MRPL48: variants seen among roughly 807,000 people sequenced by gnomAD.
MRPL48 encodes the protein mitochondrial ribosomal protein L48.
MRPL48 carries 16 observed loss-of-function variants against 32.9 expected under a neutral mutation model. The ratio of observed to expected loss-of-function variants is 0.49; its 90% CI spans 0.33 to 0.74. The LOEUF is 0.74. Among genes scored for constraint, MRPL48 ranks in the 30% least tolerant of loss-of-function variants. The pLI, the probability that MRPL48 is intolerant of heterozygous loss-of-function variation, is 0.02. For synonymous variants in MRPL48, 94 were observed against 89.2 expected (o/e 1.05, Z -0.31); for missense variants, 206 against 245.3 (o/e 0.84, Z 1.07).
chr11:73,798,264 T>C (rs1191605195), intron 1 of MRPL48, among the ~76,000 whole-genome samples: 2 of 151,402 alleles, frequency 1.3e-5, no homozygotes, highest in East Asian at 3.9e-4. Flanking sequence ...TTTTACAAAA[T>C]ACAAAATACA....
At chr11:73,825,616 A>G in intron 3 of MRPL48, 92 bp from the exon 4 acceptor site, 1 of 1,135,072 alleles carries the variant, frequency 8.8e-7, no homozygotes, top group African/African-American at 1.6e-5. Context: ...ATTACATCCC[A>G]GCTTGGGTGA....
At chr11:73,847,153 T>C (rs1318421652) in intron 5 of MRPL48, among the ~76,000 whole-genome samples, 1 of 152,076 alleles carries the variant, frequency 6.6e-6, no homozygotes, top group Non-Finnish European at 1.5e-5. Flanking sequence ...GGCTGCACCA[T>C]TTTTTATTCC....
intron 4 of MRPL48, among the ~76,000 whole-genome samples, chr11:73,840,050 G>A (rs961629405): frequency 6.7e-5 from 10 of 150,324 alleles, no homozygotes; most frequent in African/African-American, 1.7e-4. Flanking sequence ...GTGAGCTACC[G>A]TTGTGTCACT....
At chr11:73,821,479 T>C (rs561510871) in intron 3 of MRPL48, among the ~76,000 whole-genome samples, 1 of 152,300 alleles carries the variant, frequency 6.6e-6, no homozygotes, top group East Asian at 1.9e-4. Flanking sequence ...TCTAAGCTCA[T>C]CTCTTGCCAC....
At chr11:73,793,672 G>T (rs947109416) in intron 1 of MRPL48, among the ~76,000 whole-genome samples, 1 of 152,062 alleles carries the variant, frequency 6.6e-6, no homozygotes, top group East Asian at 1.9e-4. Context: ...GCACTGGGGT[G>T]TAGATTACGG....
At chr11:73,788,095 T>A in intron 1 of MRPL48, 103 bp downstream of exon 1, 1 of 1,419,448 alleles carries the variant, frequency 7.0e-7, no homozygotes, top group African/African-American at 1.6e-5. Flanking sequence ...CGCGCGGACA[T>A]CCGGGGATGA....
intron 5 of MRPL48, among the ~76,000 whole-genome samples, chr11:73,845,564 G>A (rs1590992446): frequency 6.6e-6 from 1 of 152,166 alleles, no homozygotes; most frequent in South Asian, 2.1e-4. Flanking sequence ...CTTGATCCCA[G>A]GAGTTTGAGA....
At chr11:73,797,871 C>T (rs935398764) in intron 1 of MRPL48, among the ~76,000 whole-genome samples, 4 of 152,116 alleles carry the variant, frequency 2.6e-5, no homozygotes, top group East Asian at 3.9e-4. Context: ...CCAAAAATCC[C>T]GTAACAATAT....
intron 2 of MRPL48, among the ~76,000 whole-genome samples, chr11:73,807,229 G>A (rs879827216): frequency 1.2e-4 from 19 of 152,106 alleles, no homozygotes; most frequent in Non-Finnish European, 2.6e-4. Context: ...TCTCTGTTCA[G>A]CAGCAAATAT....
At chr11:73,833,212 C>T (rs1397815647) in intron 4 of MRPL48, among the ~76,000 whole-genome samples, 1 of 151,732 alleles carries the variant, frequency 6.6e-6, no homozygotes, top group African/African-American at 2.4e-5. Context: ...CTGGCAGTAT[C>T]TAGTTGCTTG....
intron 4 of MRPL48, among the ~76,000 whole-genome samples, chr11:73,837,019 C>T (rs927047176): frequency 1.3e-5 from 2 of 152,176 alleles, no homozygotes; most frequent in African/African-American, 2.4e-5. Flanking sequence ...CATACTCAAT[C>T]GCTGCATACC....
chr11:73,838,625 G>A (rs776462157), intron 4 of MRPL48, among the ~76,000 whole-genome samples: 1 of 152,178 alleles, frequency 6.6e-6, no homozygotes, highest in Middle Eastern at 3.2e-3. Flanking sequence ...TGCCTGTCAC[G>A]ATGAGAAGTC....
chr11:73,815,618 T>A (rs1947650687), intron 3 of MRPL48, among the ~76,000 whole-genome samples: 2 of 152,146 alleles, frequency 1.3e-5, no homozygotes, highest in Non-Finnish European at 2.9e-5. Context: ...CCTCCCAAAG[T>A]GCTGAGATTA....
chr11:73,834,854 C>A (rs1225329563), intron 4 of MRPL48, among the ~76,000 whole-genome samples: 5 of 140,082 alleles, frequency 3.6e-5, no homozygotes, highest in African/African-American at 1.3e-4. Flanking sequence ...TTTTTTGAGA[C>A]AGGATCTCAT....
At chr11:73,842,928 G>A (rs1948218309) in intron 4 of MRPL48, 1 of 152,104 alleles carries the variant, frequency 6.6e-6, no homozygotes. Context: ...CATCTCACCT[G>A]AGCCTCCTGA....
intron 1 of MRPL48, chr11:73,789,377 A>G (rs1322626673): frequency 6.6e-6 from 1 of 152,206 alleles, no homozygotes; most frequent in Non-Finnish European, 1.5e-5. Context: ...GAAATCTGTC[A>G]TTAAGGCCAG....
intron 5 of MRPL48, among the ~76,000 whole-genome samples, chr11:73,853,525 A>T (rs903235431): frequency 3.3e-5 from 5 of 151,926 alleles, no homozygotes; most frequent in Non-Finnish European, 7.4e-5. Flanking sequence ...GAGGATGATA[A>T]TTTTTTCTGT....
At chr11:73,819,461 C>A (rs1040709681) in intron 3 of MRPL48, among the ~76,000 whole-genome samples, 1 of 152,030 alleles carries the variant, frequency 6.6e-6, no homozygotes, top group African/African-American at 2.4e-5. Flanking sequence ...TTACATAAAA[C>A]GTTTTATTAT....
At chr11:73,830,025 G>A (rs1336652592) in intron 4 of MRPL48, among the ~76,000 whole-genome samples, 1 of 152,122 alleles carries the variant, frequency 6.6e-6, no homozygotes, top group East Asian at 1.9e-4. Context: ...GCCTCCCAAA[G>A]TACTAGGATT....
Sources: gnomAD v4.1 joint callset for allele counts (sites outside exome capture counted in the v4.1 genomes callset) on GRCh38, gnomAD v4.1.1 for gene constraint, MANE v1.5 for transcripts, NCBI Gene and HGNC (gene_info 2026-07-23, HGNC 2026-07-21) for gene names.